Variants in REV3L observed in about 807,000 individuals in gnomAD.
The protein encoded by REV3L is REV3 like, DNA directed polymerase zeta catalytic subunit, also known as DNA polymerase zeta catalytic subunit.
In REV3L, 69 loss-of-function variants were observed where a neutral mutation model predicts 299.4. The observed-to-expected ratio is 0.23, with a 90% CI of 0.19 to 0.28. REV3L has a LOEUF of 0.28. REV3L is among the 10% of genes least tolerant of loss of function. REV3L has a pLI of 1.00. For missense variants in REV3L, 3,128 were observed against 3,693.8 expected, an observed-to-expected ratio of 0.85 and a Z score of 3.97; for synonymous variants, 1,238 against 1,271.4, an observed-to-expected ratio of 0.97 and a Z score of 0.56.
intron 1 of REV3L, among the ~76,000 whole-genome samples, chr6:111,417,684 A>T (rs867705413): frequency 5.9e-5 from 9 of 152,232 alleles, no homozygotes; most frequent in African/African-American, 2.2e-4. Context: ...TTGATATCTT[A>T]ATGTTTACAT....
chr6:111,450,970 T>C (rs928488710), intron 1 of REV3L, among the ~76,000 whole-genome samples: 7 of 152,226 alleles, frequency 4.6e-5, no homozygotes, highest in African/African-American at 1.7e-4. Context: ...TATTTGTTTA[T>C]GAAACTTATC....
intron 9 of REV3L, among the ~76,000 whole-genome samples, chr6:111,384,161 A>G (rs1440498351): frequency 6.6e-6 from 1 of 152,178 alleles, no homozygotes; most frequent in Admixed American, 6.5e-5. Context: ...AAAAGAAAAC[A>G]TTGGGGAAAC....
intron 2 of REV3L, among the ~76,000 whole-genome samples, chr6:111,414,334 G>C (rs1784548511): frequency 6.6e-6 from 1 of 152,032 alleles, no homozygotes; most frequent in Non-Finnish European, 1.5e-5. Flanking sequence ...AAAGAACTTA[G>C]GTGAGAAACA....
intron 18 of REV3L, among the ~76,000 whole-genome samples, chr6:111,355,415 A>G (rs1777989768): frequency 6.6e-6 from 1 of 152,200 alleles, no homozygotes; most frequent in African/African-American, 2.4e-5. Context: ...TGTGCTGAGT[A>G]GGTACACAAC....
chr6:111,483,054 C>CGCT lies in REV3L; in HGVS notation c.-169_-167dup, dbSNP rs1793970031. On this transcript the variant is annotated 5_prime_UTR_variant, in exon 1 of 32. Transcript: ENST00000368802. ...GGAGCGGCGGGCGGGGCGGTGTAGG[C>CGCT]GCTGCTGCCGCCGCCTCCTCAGGAG... 4 of 824,902 alleles carry CGCT rather than the reference C, an allele frequency of 4.8e-6. No individual in the cohort carries two copies. The highest frequency in any genetic ancestry group is 2.8e-5 in the South Asian group (1 of 35,662). The allele number at this position is 824,902 out of a possible 1,614,324, so 51.1% of individuals were successfully genotyped here.
At chr6:111,462,662 T>C (rs1451457056) in intron 1 of REV3L, among the ~76,000 whole-genome samples, 2 of 152,122 alleles carry the variant, frequency 1.3e-5, no homozygotes, top group Admixed American at 6.6e-5. Context: ...ATCCTAAATA[T>C]TGGTGAAGAT....
rs1242031989 is a variant in REV3L, at chr6:111,390,139, T to C, written c.704A>G (p.Glu235Gly). The C allele has an allele frequency of 6.2e-7, 1 of 1,611,034 alleles. No homozygotes were observed. The highest frequency in any genetic ancestry group is 8.5e-7 in the Non-Finnish European group (1 of 1,177,358). ...AGCAGCTACAGCATCCACTTCTAAT[T>C]CACATGTACTCTGTGGTTCAACACC... is the stretch of plus-strand genomic sequence containing the variant. ...LEGVEPQSTC[E>G]LEVDAVAADI... Residue 235 changes from glutamate to glycine, a missense_variant, in exon 6 of 32, where the codon GAA (glutamate) becomes GGA (glycine). This residue lies in a region of REV3L where 2,409 missense variants were observed against 2,611.8 expected (regional missense o/e 0.92). Transcript: ENST00000368802.
intron 1 of REV3L, among the ~76,000 whole-genome samples, chr6:111,468,205 C>T (rs931134822): frequency 6.6e-6 from 1 of 152,128 alleles, no homozygotes; most frequent in African/African-American, 2.4e-5. Flanking sequence ...TTTGATAATG[C>T]CAGGATCTTT....
chr6:111,396,325 C>T (rs565726240), intron 4 of REV3L, among the ~76,000 whole-genome samples: 6 of 152,002 alleles, frequency 3.9e-5, no homozygotes, highest in South Asian at 4.2e-4. Context: ...CTGTGCCTGG[C>T]CCTAGGATAA....
chr6:111,307,586 T>C lies in REV3L; in HGVS notation c.9043-16A>G. 1.2e-6 allele frequency: 2 copies of C among 1,613,360 alleles called. No homozygotes were observed. Among genetic ancestry groups the C allele is most frequent in the Non-Finnish European group, 1.7e-6 (2 of 1,179,390 alleles). On this transcript the variant is annotated splice_polypyrimidine_tract_variant and intron_variant, in intron 30 of 31. Coordinates refer to ENST00000368802, the MANE Select transcript of REV3L (RefSeq NM_001372078.1). ...CTTTATGGATCTATAAAAACATCCATTCAGAAGTAAGCCTGAGTCAGCTTC... is the reference window on the plus strand; with the variant it reads ...CTTTATGGATCTATAAAAACATCCACTCAGAAGTAAGCCTGAGTCAGCTTC...
chr6:111,421,823 A>T (rs1785394528), intron 1 of REV3L, among the ~76,000 whole-genome samples: 1 of 152,100 alleles, frequency 6.6e-6, no homozygotes, highest in South Asian at 2.1e-4. Flanking sequence ...CGTTTACAAA[A>T]ATTTTCATAT....
intron 20 of REV3L, among the ~76,000 whole-genome samples, chr6:111,346,187 G>A (rs928395949): frequency 1.3e-5 from 2 of 152,116 alleles, no homozygotes; most frequent in South Asian, 2.1e-4. Context: ...ACCAAAGATG[G>A]CATTCAGTAA....
chr6:111,474,988 T>TAC (rs36213449), intron 1 of REV3L, among the ~76,000 whole-genome samples: 68 of 145,946 alleles, frequency 4.7e-4, no homozygotes, highest in Non-Finnish European at 8.4e-4. Flanking sequence ...TGCCTATATA[T>TAC]ACACACACAC....
chr6:111,411,572 A>G lies in REV3L; in HGVS notation c.330-18T>C. 5 of 1,435,080 alleles carry G rather than the reference A, an allele frequency of 3.5e-6. No homozygotes were observed. The highest frequency in any genetic ancestry group is 4.8e-6 in the Non-Finnish European group (5 of 1,044,156). The allele number at this position is 1,435,080 out of a possible 1,614,324, so 88.9% of individuals were successfully genotyped here. On this transcript the variant is annotated intron_variant, in intron 2 of 31. Transcript: ENST00000368802. ...AAAAAGGCCTGAAATATAAGAAAAAAAATTTCAAATTATTTTCATAATTCA... is the reference window on the plus strand; with the variant it reads ...AAAAAGGCCTGAAATATAAGAAAAAGAATTTCAAATTATTTTCATAATTCA...
chr6:111,362,942 C>T (rs917914582), intron 16 of REV3L, among the ~76,000 whole-genome samples: 59 of 152,156 alleles, frequency 3.9e-4, no homozygotes, highest in African/African-American at 1.4e-3. Flanking sequence ...GGCTACCATA[C>T]GACAGCACAG....
At chr6:111,407,128 T>A (rs771790406) in intron 3 of REV3L, among the ~76,000 whole-genome samples, 6 of 152,024 alleles carry the variant, frequency 3.9e-5, no homozygotes, top group Non-Finnish European at 7.4e-5. Flanking sequence ...ACAAAGGGGC[T>A]AAAATTCAAA....
chr6:111,304,942 CT>C lies in REV3L; in HGVS notation c.9252+2418del, dbSNP rs748453480. On this transcript the variant is annotated intron_variant, in intron 31 of 31. Coordinates refer to ENST00000368802, the MANE Select transcript of REV3L (RefSeq NM_001372078.1). The stretch of plus-strand genomic sequence containing the variant: ...AAAGGACATGATTTTGTTCTTTGTT[CT>C]TTTTTTTTTTTTTTTGAGACAGAGT... 3.2e-3 allele frequency among the ~76,000 whole-genome samples: 441 copies of C among 136,296 alleles called. 1 individual carries two copies. Among genetic ancestry groups the C allele is most frequent in the South Asian group, 0.026 (111 of 4,234 alleles). 89.4% of individuals were successfully genotyped at this position (136,296 alleles called of 152,430 possible).
At chr6:111,404,433 A>T (rs17510627) in intron 4 of REV3L, among the ~76,000 whole-genome samples, 4,582 of 152,308 alleles carry the variant, frequency 0.03, 80 homozygotes, top group South Asian at 0.078. Context: ...TGCTAACACA[A>T]CATCCGTTCT....
intron 26 of REV3L, among the ~76,000 whole-genome samples, chr6:111,320,099 G>A (rs928632817): frequency 5.3e-5 from 8 of 150,738 alleles, no homozygotes; most frequent in South Asian, 2.1e-4. Context: ...ATGGAGTTTC[G>A]CTCTTGTTGC....
Sources: allele counts gnomAD v4.1 joint callset (sites outside exome capture counted in the v4.1 genomes callset), GRCh38; gene constraint gnomAD v4.1.1; regional missense constraint gnomAD v4.1.1; transcripts MANE v1.5; gene names NCBI Gene and HGNC (gene_info 2026-07-23, HGNC 2026-07-21).